Variants in GLS observed in about 807,000 individuals in gnomAD.
The protein encoded by GLS is glutaminase kidney isoform, mitochondrial.
GLS carries 36 observed loss-of-function variants against 86.7 expected under a neutral mutation model. The ratio of observed to expected loss-of-function variants is 0.42; its 90% confidence interval spans 0.32 to 0.55. The LOEUF is 0.55. Among genes scored for constraint, GLS ranks in the 20% least tolerant of loss-of-function variants. The pLI is 0.17. For missense variants in GLS, 528 were observed against 833.4 expected (o/e 0.63, Z 4.51); for synonymous variants, 317 against 305.9 (o/e 1.04, Z -0.38).
rs150611232 is a variant in GLS, at chr2:190,892,239, G to C, written c.387-2913G>C. ...AAAAGAAGAAACAATATGATGGTAA[G>C]ATGATCTTAAAGGCAGCATTTAGAA... On this transcript the variant is annotated intron_variant, in intron 1 of 17. Coordinates refer to ENST00000320717, the MANE Select transcript of GLS (RefSeq NM_014905.5). Among the ~76,000 whole-genome samples the C allele has an allele frequency of 3.4e-3, 513 of 152,266 alleles. 9 individuals carry two copies. Among genetic ancestry groups the C allele is most frequent in the African/African-American group, 0.012 (494 of 41,564 alleles).
chr2:190,908,737 C>T (rs1689248724), intron 6 of GLS, among the ~76,000 whole-genome samples: 1 of 152,212 alleles, frequency 6.6e-6, no homozygotes, highest in African/African-American at 2.4e-5. Flanking sequence ...GTTACATTCT[C>T]TCTGGCGGGT....
intron 1 of GLS, among the ~76,000 whole-genome samples, chr2:190,891,568 A>G (rs972365077): frequency 1.3e-5 from 2 of 152,124 alleles, no homozygotes; most frequent in African/African-American, 2.4e-5. Context: ...AATAGTGTAA[A>G]ACTAATTTAT....
Position 190,956,178 on chromosome 2 carries a change from G to T in GLS, c.1853+1360G>T, listed in dbSNP as rs927052429. 6.6e-6 allele frequency among the ~76,000 whole-genome samples: 1 copy of T among 151,906 alleles called. No homozygotes were observed. The highest frequency in any genetic ancestry group is 2.4e-5 in the African/African-American group (1 of 41,340). ...TTGTTGCCATTGCTTTTGGTGTTTT[G>T]GTCATGAAGTCTTTGCCCATGCCTA... is the stretch of plus-strand genomic sequence containing the variant. On this transcript the variant is annotated intron_variant, in intron 17 of 17. Transcript: ENST00000320717. The surrounding 1 kb of genome is among the most constrained non-coding windows in gnomAD (Gnocchi z 4.2).
At chr2:190,917,734 A>G (rs4853529) in intron 7 of GLS, among the ~76,000 whole-genome samples, 17,515 of 152,142 alleles carry the variant, frequency 0.12, 1,383 homozygotes, top group Admixed American at 0.27. Context: ...GTACGTCTCT[A>G]TCAGAACTCT....
intron 1 of GLS, among the ~76,000 whole-genome samples, chr2:190,885,977 G>A (rs1292623789): frequency 6.6e-5 from 10 of 151,706 alleles, no homozygotes; most frequent in Admixed American, 1.3e-4. Flanking sequence ...GGTTCAAGTC[G>A]TTCTCCTGCC....
At chr2:190,890,492 G>C (rs1304788087) in intron 1 of GLS, among the ~76,000 whole-genome samples, 7 of 152,176 alleles carry the variant, frequency 4.6e-5, no homozygotes, top group African/African-American at 1.7e-4. Context: ...TTCAACCAAT[G>C]ATTAGCCTTG....
chr2:190,958,952 G>A (rs1358067053), intron 17 of GLS, among the ~76,000 whole-genome samples: 1 of 152,164 alleles, frequency 6.6e-6, no homozygotes, highest in African/African-American at 2.4e-5. Flanking sequence ...GTCCAGAGCT[G>A]AGTTCAAGTC....
chr2:190,909,300 C>G (rs1175606575), intron 6 of GLS, among the ~76,000 whole-genome samples: 1 of 151,938 alleles, frequency 6.6e-6, no homozygotes, highest in East Asian at 1.9e-4. Context: ...ACATACATTA[C>G]TTCATATATT....
intron 17 of GLS, among the ~76,000 whole-genome samples, chr2:190,958,322 CTTCTT>C (rs1253928382): frequency 7.2e-5 from 11 of 152,064 alleles, no homozygotes; most frequent in Admixed American, 1.3e-4. Context: ...TGATTCTTCT[CTTCTT>C]ATTAGTCTTG....
chr2:190,925,390 C>A (rs1296313896), intron 11 of GLS, among the ~76,000 whole-genome samples: 1 of 151,990 alleles, frequency 6.6e-6, no homozygotes, highest in Non-Finnish European at 1.5e-5. Flanking sequence ...TAGAGTAGCT[C>A]TCAATATTGA....
At chr2:190,940,146 T>C (rs1230446928) in intron 14 of GLS, among the ~76,000 whole-genome samples, 1 of 151,942 alleles carries the variant, frequency 6.6e-6, no homozygotes, top group African/African-American at 2.4e-5. Flanking sequence ...CAGTATAATA[T>C]AGCTTATTCT....
chr2:190,905,142 C>A lies in GLS; in HGVS notation c.954C>A (p.Phe318Leu). The A allele has an allele frequency of 6.2e-7, 1 of 1,600,196 alleles. No homozygotes were observed. The highest frequency in any genetic ancestry group is 8.5e-7 in the Non-Finnish European group (1 of 1,171,058). ...YVGKEPSGLR[F>L]NKLFLNEDDK... The stretch of plus-strand genomic sequence containing the variant: ...GAAAAGAGCCGAGTGGACTAAGATT[C>A]AACAAACTATTTTTGAATGAAGATG... Residue 318 changes from phenylalanine to leucine, a missense_variant, in exon 6 of 18, where the codon TTC becomes TTA. Around this residue, in one of 4 missense-constraint regions of GLS, gnomAD observed 163 missense variants for 429.2 expected, o/e 0.38. Coordinates refer to ENST00000320717, the MANE Select transcript of GLS (RefSeq NM_014905.5). The surrounding 1 kb of genome is among the most constrained non-coding windows in gnomAD (Gnocchi z 4.6).
Position 190,956,481 on chromosome 2 carries a change from A to G in GLS, c.1853+1663A>G, listed in dbSNP as rs1015989373. ...TCTGTGTATCTATTTTGGTATCAGT[A>G]CCATACTGTTTTGATTACTGTAGCC... On this transcript the variant is annotated intron_variant, in intron 17 of 17. Coordinates refer to ENST00000320717, the MANE Select transcript of GLS (RefSeq NM_014905.5). The surrounding 1 kb of genome is among the most constrained non-coding windows in gnomAD (Gnocchi z 4.2). Among the ~76,000 whole-genome samples the G allele has an allele frequency of 6.6e-6, 1 of 152,190 alleles. No individual in the cohort carries two copies. The highest frequency in any genetic ancestry group is 2.4e-5 in the African/African-American group (1 of 41,436).
Position 190,951,244 on chromosome 2 carries a change from T to C in GLS, c.1651-2321T>C, listed in dbSNP as rs1299507978. 1.3e-5 allele frequency among the ~76,000 whole-genome samples: 2 copies of C among 151,718 alleles called. No individual in the cohort carries two copies. Among genetic ancestry groups the C allele is most frequent in the African/African-American group, 4.8e-5 (2 of 41,268 alleles). The stretch of plus-strand genomic sequence containing the variant: ...AGGCAAGTCGTGAGAGGGTGGAGGG[T>C]GCTGGGGGGATCTGAAGGAATCAGG... On this transcript the variant is annotated intron_variant, in intron 14 of 17. Coordinates refer to ENST00000320717, the MANE Select transcript of GLS (RefSeq NM_014905.5). This position sits in a 1 kb window ranked among gnomAD's most constrained non-coding sequence, Gnocchi z 4.2.
intron 1 of GLS, among the ~76,000 whole-genome samples, chr2:190,894,538 A>G (rs1370754034): frequency 2.6e-5 from 4 of 152,090 alleles, no homozygotes; most frequent in African/African-American, 9.7e-5. Flanking sequence ...CCTCACCACA[A>G]CCCTATGAGG....
At chr2:190,948,009 A>G (rs1690621122) in intron 14 of GLS, among the ~76,000 whole-genome samples, 1 of 152,194 alleles carries the variant, frequency 6.6e-6, no homozygotes, top group Admixed American at 6.5e-5. Context: ...GTGGCATTCT[A>G]CCCACAGCTC....
chr2:190,937,555 G>A lies in GLS; in HGVS notation c.1650+5918G>A, dbSNP rs1315953120. Among the ~76,000 whole-genome samples the A allele has an allele frequency of 2.0e-5, 3 of 151,322 alleles. No individual in the cohort carries two copies. The East Asian group carries it at 5.8e-4, about 29-fold the overall frequency. On this transcript the variant is annotated intron_variant, in intron 14 of 17. Transcript: ENST00000320717. ...TGATTATAAATGCTTATTTAACAAA[G>A]TGATTCTGTTACTATGGTCTTAAAA...
chr2:190,948,249 A>C (rs187566713), intron 14 of GLS, among the ~76,000 whole-genome samples: 33 of 152,292 alleles, frequency 2.2e-4, no homozygotes, highest in Middle Eastern at 3.4e-3. Context: ...CCAAACTTCC[A>C]TGTTAGTCTT....
chr2:190,881,111 G>T lies in GLS; in HGVS notation c.27G>T (p.Met9Ile). 1 of 1,562,476 alleles carries T rather than the reference G, an allele frequency of 6.4e-7. No homozygotes were observed. Among genetic ancestry groups the T allele is most frequent in the Non-Finnish European group, 8.6e-7 (1 of 1,162,244 alleles). Residue 9 changes from methionine to isoleucine, a missense_variant, in exon 1 of 18, where the codon ATG (methionine) becomes ATT (isoleucine). Around this residue, in one of 4 missense-constraint regions of GLS, gnomAD observed 224 missense variants for 187.9 expected, o/e 1.19. Transcript: ENST00000320717. The part of the protein sequence containing the change: MMRLRGSG[M>I]LRDLLLRSPA... ...TGATGCGGCTGCGAGGCTCGGGGAT[G>T]CTGCGGGACCTGCTCCTGCGGTCGC...
Sources: allele counts gnomAD v4.1 joint callset (sites outside exome capture counted in the v4.1 genomes callset), GRCh38; gene constraint gnomAD v4.1.1; regional missense constraint gnomAD v4.1.1; non-coding constraint Gnocchi (gnomAD v3.1); transcripts MANE v1.5; gene names NCBI Gene and HGNC (gene_info 2026-07-23, HGNC 2026-07-21).